Variants in CTIF observed in about 807,000 individuals in gnomAD.
CTIF encodes the protein cap binding complex dependent translation initiation factor.
In CTIF, 21 loss-of-function variants were observed where a neutral mutation model predicts 66.0. The ratio of observed to expected loss-of-function variants is 0.32; its 90% CI spans 0.23 to 0.46. CTIF has a LOEUF of 0.46. Among genes scored for constraint, CTIF ranks in the 20% least tolerant of loss-of-function variants. The pLI is 1.00. For missense variants in CTIF, 739 were observed against 812.7 expected (o/e 0.91, Z 1.10); for synonymous variants, 345 against 326.4 (o/e 1.06, Z -0.62).
intron 3 of CTIF, among the ~76,000 whole-genome samples, chr18:48,640,962 A>G (rs1239530505): frequency 6.6e-6 from 1 of 152,154 alleles, no homozygotes; most frequent in African/African-American, 2.4e-5. Context: ...AGAGCATAAA[A>G]AGGGCTACAG....
At chr18:48,721,331 G>A (rs755620944) in intron 7 of CTIF, among the ~76,000 whole-genome samples, 8 of 152,226 alleles carry the variant, frequency 5.3e-5, no homozygotes, top group Non-Finnish European at 1.0e-4. Flanking sequence ...TCTAGGATGG[G>A]ACGTAGAATG....
At chr18:48,781,949 C>T (rs1375506144) in intron 9 of CTIF, among the ~76,000 whole-genome samples, 2 of 152,084 alleles carry the variant, frequency 1.3e-5, no homozygotes, top group African/African-American at 4.8e-5. Context: ...TAAAGTGCCA[C>T]GTAAATGTTA....
chr18:48,658,124 A>G (rs1450037116), intron 3 of CTIF, among the ~76,000 whole-genome samples: 2 of 151,980 alleles, frequency 1.3e-5, no homozygotes, highest in East Asian at 3.9e-4. Flanking sequence ...TGACACATGT[A>G]TGTGTATGTG....
intron 9 of CTIF, among the ~76,000 whole-genome samples, chr18:48,806,198 T>G (rs2068143578): frequency 6.6e-6 from 1 of 152,226 alleles, no homozygotes; most frequent in Admixed American, 6.5e-5. Flanking sequence ...CACCTTTTAT[T>G]TGAAAATTAG....
At chr18:48,765,088 G>A (rs566181395) in intron 9 of CTIF, among the ~76,000 whole-genome samples, 5 of 152,304 alleles carry the variant, frequency 3.3e-5, no homozygotes, top group Admixed American at 1.3e-4. Context: ...ACCCAAACCC[G>A]AGAGGTGCAA....
At chr18:48,848,409 G>A (rs1347751695) in intron 10 of CTIF, among the ~76,000 whole-genome samples, 3 of 152,208 alleles carry the variant, frequency 2.0e-5, no homozygotes, top group African/African-American at 4.8e-5. Context: ...ACCAAAGGAA[G>A]GAGGCTCCTC....
intron 2 of CTIF, among the ~76,000 whole-genome samples, chr18:48,629,317 T>G (rs1163623226): frequency 6.6e-6 from 1 of 152,224 alleles, no homozygotes; most frequent in Non-Finnish European, 1.5e-5. Context: ...TTGAAATAAT[T>G]TCAAATATAC....
chr18:48,797,499 G>GA (rs2067952006), intron 9 of CTIF, among the ~76,000 whole-genome samples: 1 of 149,464 alleles, frequency 6.7e-6, no homozygotes, highest in African/African-American at 2.5e-5. Flanking sequence ...AAAAGGGGTG[G>GA]GGGGGCAAGT....
intron 10 of CTIF, among the ~76,000 whole-genome samples, chr18:48,840,652 T>C (rs1409642882): frequency 6.6e-6 from 1 of 152,174 alleles, no homozygotes; most frequent in Non-Finnish European, 1.5e-5. Flanking sequence ...CTCCAATGGG[T>C]GGCTGCTCCT....
intron 1 of CTIF, among the ~76,000 whole-genome samples, chr18:48,542,807 A>T (rs2088651512): frequency 6.6e-6 from 1 of 152,224 alleles, no homozygotes; most frequent in Non-Finnish European, 1.5e-5. Flanking sequence ...GTTACCCTGA[A>T]CTTCAGGCTG....
chr18:48,854,693 G>A (rs937533241), intron 10 of CTIF, among the ~76,000 whole-genome samples: 3 of 152,166 alleles, frequency 2.0e-5, no homozygotes, highest in African/African-American at 7.2e-5. Context: ...GGCCAAGGCA[G>A]GAGGATCACT....
chr18:48,834,488 G>T (rs1291195194), intron 10 of CTIF, among the ~76,000 whole-genome samples: 2 of 152,226 alleles, frequency 1.3e-5, no homozygotes, highest in Non-Finnish European at 2.9e-5. Context: ...CCGCTGTGTG[G>T]TTCTCAAGTG....
intron 7 of CTIF, among the ~76,000 whole-genome samples, chr18:48,717,212 C>T (rs1211844102): frequency 6.6e-6 from 1 of 151,968 alleles, no homozygotes; most frequent in Non-Finnish European, 1.5e-5. Flanking sequence ...CTAGCCTGAT[C>T]AACATGGAGA....
At chr18:48,622,335 G>A (rs2090510830) in intron 2 of CTIF, among the ~76,000 whole-genome samples, 1 of 152,092 alleles carries the variant, frequency 6.6e-6, no homozygotes, top group East Asian at 1.9e-4. Flanking sequence ...GTGGAGGAAT[G>A]CAGTCATGGG....
chr18:48,815,940 C>G (rs762237232), intron 9 of CTIF, among the ~76,000 whole-genome samples: 1 of 152,214 alleles, frequency 6.6e-6, no homozygotes, highest in Non-Finnish European at 1.5e-5. Flanking sequence ...ACCCTTACAA[C>G]CCACCACTTA....
chr18:48,655,145 A>T (rs552111435), intron 3 of CTIF, among the ~76,000 whole-genome samples: 5 of 151,696 alleles, frequency 3.3e-5, no homozygotes, highest in African/African-American at 9.7e-5. Context: ...ATAATAATAA[A>T]AATACAAAAA....
rs1180944993 is a variant in CTIF at position 48,626,654 on chromosome 18, T to TG, written c.180+6909_180+6910insG. Among the ~76,000 whole-genome samples, 276 of 134,176 alleles carry TG rather than the reference T, an allele frequency of 2.1e-3. 3 individuals are homozygous for TG. The highest frequency in any genetic ancestry group is 8.9e-3 in the African/African-American group (262 of 29,432). The allele number at this position is 134,176 out of a possible 152,430, so 88.0% of individuals were successfully genotyped here. ...GCCACCGCACCTGGCCGTTTTTTTT[T>TG]TGTTTTTTTTTTTTTTTTGAGACAA... On this transcript the variant is annotated intron_variant, in intron 2 of 11. Transcript: ENST00000256413.
chr18:48,673,472 T>A (rs932786319), intron 6 of CTIF: 1 of 152,178 alleles, frequency 6.6e-6, no homozygotes, highest in Non-Finnish European at 1.5e-5. Context: ...TTCCATCGTC[T>A]CCTGTATTAG....
At chr18:48,805,694 G>T (rs1425440137) in intron 9 of CTIF, among the ~76,000 whole-genome samples, 2 of 152,242 alleles carry the variant, frequency 1.3e-5, no homozygotes, top group African/African-American at 2.4e-5. Context: ...TTGGAGCAGG[G>T]ACTGGGACTG....
Sources: gnomAD v4.1 joint callset for allele counts (sites outside exome capture counted in the v4.1 genomes callset) on GRCh38, gnomAD v4.1.1 for gene constraint, MANE v1.5 for transcripts, NCBI Gene and HGNC (gene_info 2026-07-23, HGNC 2026-07-21) for gene names.